The following NOS1 variants were observed in gnomAD, a reference collection of about 807,000 sequenced individuals.
NOS1 encodes NOS type I.
NOS1 carries 51 observed loss-of-function variants against 164.5 expected under a neutral mutation model. The observed-to-expected ratio is 0.31, with a 90% CI of 0.25 to 0.39. The LOEUF is 0.39. NOS1 is among the 10% of genes least tolerant of loss of function. The pLI is 1.00. For synonymous variants in NOS1, 719 were observed against 745.8 expected (o/e 0.96, Z 0.59); for missense variants, 1,362 against 1,885.6 (o/e 0.72, Z 5.14).
intron 18 of NOS1, among the ~76,000 whole-genome samples, chr12:117,244,490 C>T (rs1374044504): frequency 1.3e-5 from 2 of 152,252 alleles, no homozygotes; most frequent in Non-Finnish European, 2.9e-5. Context: ...TTGCCCGCCT[C>T]AGCCTCCCAA....
intron 14 of NOS1, 21 bp from the exon 15 acceptor site, chr12:117,259,151 T>A (rs1172300145): frequency 2.0e-6 from 3 of 1,530,012 alleles, no homozygotes; most frequent in Non-Finnish European, 2.7e-6. Context: ...AGGGCACAGG[T>A]ATAGGATGGG....
chr12:117,283,855 C>CAAAAA lies in NOS1; in HGVS notation c.1382+1381_1382+1385dup, dbSNP rs61448842. Among the ~76,000 whole-genome samples the CAAAAA allele has an allele frequency of 1.4e-3, 86 of 63,548 alleles. 1 individual carries two copies. The highest frequency in any genetic ancestry group is 3.6e-3 in the East Asian group (6 of 1,648). The allele number at this position is 63,548 out of a possible 152,430, so 41.7% of individuals were successfully genotyped here. A position where few individuals can be genotyped will look rare whatever the true frequency, so the allele number is the denominator to read the frequency against. The stretch of plus-strand genomic sequence containing the variant: ...TGGGTAACAGAGCAAGACTCTGTCT[C>CAAAAA]AAAAAAAAAAAAAAAAAAAAAAAGG... On this transcript the variant is annotated intron_variant, in intron 7 of 28. Coordinates refer to ENST00000317775, the MANE Select transcript of NOS1 (RefSeq NM_000620.5).
intron 14 of NOS1, among the ~76,000 whole-genome samples, chr12:117,260,128 A>C (rs904576886): frequency 5.1e-5 from 7 of 138,236 alleles, no homozygotes; most frequent in African/African-American, 2.1e-4. Flanking sequence ...CAAAAAAAAA[A>C]AAAAACAAAA....
chr12:117,284,832 T>C (rs1055728565), intron 7 of NOS1, among the ~76,000 whole-genome samples: 1 of 151,906 alleles, frequency 6.6e-6, no homozygotes, highest in Non-Finnish European at 1.5e-5. Context: ...GGTGGAGCAC[T>C]TGAGGTCAGG....
intron 2 of NOS1, among the ~76,000 whole-genome samples, chr12:117,319,245 G>T (rs1874802618): frequency 6.6e-6 from 1 of 152,134 alleles, no homozygotes; most frequent in African/African-American, 2.4e-5. Context: ...TAGAGATGGG[G>T]TCTTGCTCTG....
At chr12:117,229,873 G>A (rs1303179190) in intron 22 of NOS1, among the ~76,000 whole-genome samples, 2 of 152,216 alleles carry the variant, frequency 1.3e-5, no homozygotes, top group Non-Finnish European at 2.9e-5. Context: ...ACAGGCGTGA[G>A]CCACTGTGCC....
Position 117,286,304 on chromosome 12 carries a change from T to A in NOS1, c.1128-38A>T, listed in dbSNP as rs781687193. ...GAAGGGACATGGGAACATCACCCCC[T>A]CTTCTGAATTAGAAGTTAGTGGAAG... On this transcript the variant is annotated intron_variant, in intron 5 of 28. Coordinates refer to ENST00000317775, the MANE Select transcript of NOS1 (RefSeq NM_000620.5). 3.7e-6 allele frequency: 6 copies of A among 1,607,640 alleles called. No homozygotes were observed. In the South Asian group the frequency reaches 6.6e-5, roughly 18 times the overall value.
intron 1 of NOS1, among the ~76,000 whole-genome samples, chr12:117,332,401 G>A (rs539033137): frequency 2.1e-4 from 32 of 152,268 alleles, no homozygotes; most frequent in Non-Finnish European, 3.2e-4. Flanking sequence ...CCTGGAGCCT[G>A]AGCTTTTAAA....
At chr12:117,317,420 T>C (rs769313834) in intron 2 of NOS1, among the ~76,000 whole-genome samples, 2 of 149,256 alleles carry the variant, frequency 1.3e-5, no homozygotes, top group Non-Finnish European at 3.0e-5. Context: ...CGTTGGAGGA[T>C]GTTTGAGCAG....
chr12:117,283,878 A>G (rs889593855), intron 7 of NOS1, among the ~76,000 whole-genome samples: 1 of 148,968 alleles, frequency 6.7e-6, no homozygotes, highest in South Asian at 2.1e-4. Context: ...AAAAAAAAAA[A>G]GGAAATCCAC....
intron 16 of NOS1, among the ~76,000 whole-genome samples, chr12:117,255,064 G>A (rs1871339998): frequency 6.6e-6 from 1 of 151,974 alleles, no homozygotes; most frequent in African/African-American, 2.4e-5. Context: ...TAACTAACCT[G>A]CACATTGTGC....
At chr12:117,240,198 A>G (rs1296614226) in intron 20 of NOS1, among the ~76,000 whole-genome samples, 1 of 152,228 alleles carries the variant, frequency 6.6e-6, no homozygotes, top group Non-Finnish European at 1.5e-5. Context: ...TATTTCAAAT[A>G]TGGAGCCCCT....
chr12:117,304,712 C>T (rs567483174), intron 3 of NOS1, among the ~76,000 whole-genome samples: 6 of 152,136 alleles, frequency 3.9e-5, no homozygotes, highest in Non-Finnish European at 7.3e-5. Context: ...TCTCACTGGC[C>T]CCACCCACAG....
intron 10 of NOS1, among the ~76,000 whole-genome samples, chr12:117,269,082 T>C (rs1015904034): frequency 3.9e-5 from 6 of 152,162 alleles, no homozygotes; most frequent in African/African-American, 1.2e-4. Context: ...TAGGTACTAA[T>C]TCTTAGGAAG....
chr12:117,359,219 T>A (rs1261641349), intron 1 of NOS1, among the ~76,000 whole-genome samples: 1 of 149,906 alleles, frequency 6.7e-6, no homozygotes, highest in East Asian at 2.1e-4. Context: ...GCGGTGCTGG[T>A]GGGGCGGACA....
At chr12:117,357,848 T>C (rs892371509) in intron 1 of NOS1, among the ~76,000 whole-genome samples, 2 of 152,234 alleles carry the variant, frequency 1.3e-5, no homozygotes, top group Admixed American at 6.5e-5. Context: ...AAAATGGTCA[T>C]GTCTGTAACC....
At chr12:117,279,648 C>T (rs1054458017) in intron 8 of NOS1, among the ~76,000 whole-genome samples, 3 of 152,152 alleles carry the variant, frequency 2.0e-5, no homozygotes, top group African/African-American at 4.8e-5. Context: ...GAACATGTCC[C>T]GCTCAGCAAG....
At chr12:117,276,956 G>A (rs1050989629) in intron 9 of NOS1, among the ~76,000 whole-genome samples, 3 of 152,150 alleles carry the variant, frequency 2.0e-5, no homozygotes, top group Admixed American at 6.5e-5. Flanking sequence ...AAAGGGTACA[G>A]ATATCTCTTC....
intron 2 of NOS1, among the ~76,000 whole-genome samples, chr12:117,313,254 C>T (rs1024249801): frequency 8.5e-5 from 13 of 152,166 alleles, no homozygotes; most frequent in Admixed American, 2.6e-4. Context: ...CTAAGTCACA[C>T]GCTAGTGATG....
Sources: gnomAD v4.1 joint callset for allele counts (sites outside exome capture counted in the v4.1 genomes callset) on GRCh38, gnomAD v4.1.1 for gene constraint, MANE v1.5 for transcripts, NCBI Gene and HGNC (gene_info 2026-07-23, HGNC 2026-07-21) for gene names.